The following USP15 variants were observed in gnomAD, a reference collection of about 807,000 sequenced individuals.
USP15 encodes ubiquitin specific peptidase 15, also known as ubiquitin carboxyl-terminal hydrolase 15.
A neutral mutation model predicts 127.1 loss-of-function variants in USP15; 18 were observed. The ratio of observed to expected loss-of-function variants is 0.14; its 90% confidence interval spans 0.10 to 0.21. USP15 has a LOEUF of 0.21. Among genes scored for constraint, USP15 ranks in the 10% least tolerant of loss-of-function variants. The probability of loss-of-function intolerance (pLI) is 1.00; values close to 1 mark genes in which losing one functional copy is unlikely to be tolerated. For synonymous variants in USP15, 364 were observed against 393.7 expected, an observed-to-expected ratio of 0.92 and a Z score of 0.89; for missense variants, 805 against 1,159.9, an observed-to-expected ratio of 0.69 and a Z score of 4.44.
At chr12:62,303,017 T>G in intron 3 of USP15, 97 bp downstream of exon 3, 2 of 1,421,984 alleles carry the variant, frequency 1.4e-6, no homozygotes, top group Non-Finnish European at 1.9e-6. Flanking sequence ...ATCACTTATC[T>G]TAGAGAAAAA....
At chr12:62,275,295 G>A (rs936908502) in intron 1 of USP15, among the ~76,000 whole-genome samples, 8 of 151,756 alleles carry the variant, frequency 5.3e-5, no homozygotes, top group Middle Eastern at 6.8e-3. Flanking sequence ...ATGAATTATA[G>A]GAGAATATAA....
In USP15 at chr12:62,293,496, A is replaced by C. The variant is rs538377957; in HGVS notation, c.90-683A>C. Among the ~76,000 whole-genome samples, 9 of 152,202 alleles carry C rather than the reference A, an allele frequency of 5.9e-5. 1 individual carries two copies. In the South Asian group the frequency reaches 1.9e-3, roughly 32 times the overall value. ...CTCAGCCTCTTGAGTAGCTGGGGTTACAGGCACCTACCACTATGCCTCCCA... is the reference window on the plus strand; with the variant it reads ...CTCAGCCTCTTGAGTAGCTGGGGTTCCAGGCACCTACCACTATGCCTCCCA... On this transcript the variant is annotated intron_variant, in intron 1 of 21. Transcript: ENST00000280377.
At chr12:62,328,686 G>C (rs763670215) in intron 6 of USP15, among the ~76,000 whole-genome samples, 3 of 152,020 alleles carry the variant, frequency 2.0e-5, no homozygotes, top group Non-Finnish European at 4.4e-5. Flanking sequence ...TCATTTTAAA[G>C]TTAGCATAGA....
chr12:62,382,904 G>C (rs2067033769), intron 9 of USP15, among the ~76,000 whole-genome samples: 1 of 151,844 alleles, frequency 6.6e-6, no homozygotes, highest in African/African-American at 2.4e-5. Flanking sequence ...GACATTTATA[G>C]GAGGAGGCAA....
intron 5 of USP15, among the ~76,000 whole-genome samples, chr12:62,324,582 C>T (rs935763316): frequency 3.3e-5 from 5 of 151,808 alleles, no homozygotes; most frequent in Admixed American, 2.6e-4. Flanking sequence ...AAAATTGAGA[C>T]AGTGATTACT....
At chr12:62,368,020 A>G (rs1050459564) in intron 8 of USP15, among the ~76,000 whole-genome samples, 1 of 152,030 alleles carries the variant, frequency 6.6e-6, no homozygotes, top group Admixed American at 6.6e-5. Flanking sequence ...CTTTGTTCTC[A>G]TTGGTTTCAA....
At chr12:62,375,910 G>T (rs1489093368) in intron 8 of USP15, among the ~76,000 whole-genome samples, 1 of 152,108 alleles carries the variant, frequency 6.6e-6, no homozygotes, top group Non-Finnish European at 1.5e-5. Flanking sequence ...ACCTTTCCTT[G>T]TGGATCAGCT....
chr12:62,314,175 G>A (rs145616197), intron 3 of USP15: 55 of 244,166 alleles, frequency 2.3e-4, no homozygotes, highest in African/African-American at 1.2e-3. Flanking sequence ...GTCAAACAAA[G>A]TAAGTCACTG....
chr12:62,363,268 A>C (rs1355889510), intron 8 of USP15, among the ~76,000 whole-genome samples: 2 of 152,106 alleles, frequency 1.3e-5, no homozygotes, highest in African/African-American at 4.8e-5. Flanking sequence ...AATAACACAA[A>C]ATGCCTTCTC....
At chr12:62,305,064 A>G (rs181895052) in intron 3 of USP15, among the ~76,000 whole-genome samples, 4 of 152,138 alleles carry the variant, frequency 2.6e-5, no homozygotes, top group South Asian at 2.1e-4. Context: ...AAGCTAAGGC[A>G]TAAATGGAAT....
At chr12:62,330,261 G>T (rs189795238) in intron 6 of USP15, among the ~76,000 whole-genome samples, 45 of 151,848 alleles carry the variant, frequency 3.0e-4, no homozygotes, top group African/African-American at 9.4e-4. Context: ...GGATGATACA[G>T]ATTCTTTTTT....
chr12:62,307,548 C>T (rs1254737936), intron 3 of USP15, among the ~76,000 whole-genome samples: 1 of 152,110 alleles, frequency 6.6e-6, no homozygotes, highest in African/African-American at 2.4e-5. Context: ...CATCAAGAGG[C>T]ACTACAGTAG....
At chr12:62,274,900 T>TA (rs377601951) in intron 1 of USP15, among the ~76,000 whole-genome samples, 1 of 152,124 alleles carries the variant, frequency 6.6e-6, no homozygotes, top group Non-Finnish European at 1.5e-5. Flanking sequence ...AAGCAAAACT[T>TA]AAAGTAGTTG....
intron 1 of USP15, among the ~76,000 whole-genome samples, chr12:62,265,101 C>T (rs78983655): frequency 0.078 from 11,858 of 152,102 alleles, 584 homozygotes; most frequent in Middle Eastern, 0.16. Context: ...GGTTAATGTA[C>T]CCTAATAGTC....
chr12:62,387,812 A>G (rs2067201183), intron 11 of USP15, among the ~76,000 whole-genome samples: 2 of 152,226 alleles, frequency 1.3e-5, no homozygotes, highest in African/African-American at 4.8e-5. Flanking sequence ...TTTATATTCC[A>G]ATGCTTATGC....
chr12:62,381,802 A>C (rs1474954964), intron 9 of USP15, 139 bp downstream of exon 9: 1 of 675,838 alleles, frequency 1.5e-6, no homozygotes, highest in Admixed American at 3.3e-5. Context: ...AAATAGATAT[A>C]CAGTACATCT....
rs554317405 is a variant in USP15 at position 62,328,254 on chromosome 12, T to A, written c.683+2321T>A. 124 of 446,380 alleles carry A rather than the reference T, an allele frequency of 2.8e-4. 1 individual carries two copies. The highest frequency in any genetic ancestry group is 1.0e-3 in the Middle Eastern group (3 of 2,906). The allele number at this position is 446,380 out of a possible 1,614,324, so 27.7% of individuals were successfully genotyped here. The stretch of plus-strand genomic sequence containing the variant: ...ATTTATAAAAAGCAGTTGTTTTTTC[T>A]ATACCGAGAGATCAGCAATCTTTTT... On this transcript the variant is annotated intron_variant, in intron 6 of 21. Transcript: ENST00000280377.
intron 6 of USP15, among the ~76,000 whole-genome samples, chr12:62,342,416 A>G (rs972845346): frequency 2.6e-5 from 4 of 152,014 alleles, no homozygotes; most frequent in African/African-American, 7.2e-5. Flanking sequence ...TTGTTAATTC[A>G]TCAGTCTCAG....
chr12:62,312,130 C>T (rs1453051234), intron 3 of USP15, among the ~76,000 whole-genome samples: 2 of 151,754 alleles, frequency 1.3e-5, no homozygotes. Flanking sequence ...TCTAATTTAT[C>T]TGCACCAAAT....
Sources: gnomAD v4.1 joint callset for allele counts (sites outside exome capture counted in the v4.1 genomes callset) on GRCh38, gnomAD v4.1.1 for gene constraint, MANE v1.5 for transcripts, NCBI Gene and HGNC (gene_info 2026-07-23, HGNC 2026-07-21) for gene names.